The following KIAA0586 variants were observed in gnomAD, a reference collection of about 807,000 sequenced individuals.
The protein encoded by KIAA0586 is protein TALPID3.
In KIAA0586, 144 loss-of-function variants were observed where a neutral mutation model predicts 169.8. The ratio of observed to expected loss-of-function variants is 0.85; its 90% confidence interval spans 0.74 to 0.97. KIAA0586 has a LOEUF of 0.97. Ranked by LOEUF, KIAA0586 falls within the 50% of genes least tolerant of loss-of-function variation. The pLI is 0.00. For missense variants in KIAA0586, 1,854 were observed against 1,823.0 expected (o/e 1.02, Z -0.31); for synonymous variants, 625 against 612.4 (o/e 1.02, Z -0.30).
intron 6 of KIAA0586, among the ~76,000 whole-genome samples, chr14:58,445,858 T>A (rs1354917614): frequency 1.3e-5 from 2 of 151,802 alleles, no homozygotes; most frequent in Admixed American, 1.3e-4. Flanking sequence ...TTCCTTTTTT[T>A]TCTAATATGA....
At chr14:58,501,019 G>A (rs545442337) in intron 27 of KIAA0586, among the ~76,000 whole-genome samples, 2 of 152,270 alleles carry the variant, frequency 1.3e-5, no homozygotes, top group Admixed American at 1.3e-4. Flanking sequence ...ACGTTTTAGC[G>A]AGTAGATAAA....
At chr14:58,542,200 C>T (rs544178324) in intron 30 of KIAA0586, among the ~76,000 whole-genome samples, 4 of 152,024 alleles carry the variant, frequency 2.6e-5, no homozygotes, top group Admixed American at 6.5e-5. Context: ...AGTTTTCAGC[C>T]GGGCGCAGTG....
At chr14:58,455,619 A>T (rs1366134370) in intron 9 of KIAA0586, among the ~76,000 whole-genome samples, 1 of 151,886 alleles carries the variant, frequency 6.6e-6, no homozygotes, top group Non-Finnish European at 1.5e-5. Context: ...TTGGAAAGAG[A>T]TTTCCTTAAC....
chr14:58,456,870 A>G, intron 10 of KIAA0586, 60 bp downstream of exon 10: 1 of 872,438 alleles, frequency 1.1e-6, no homozygotes, highest in Non-Finnish European at 1.8e-6. Flanking sequence ...AAAAGGAATA[A>G]AAGAGTTATA....
chr14:58,526,175 C>T (rs2045571417), intron 29 of KIAA0586, among the ~76,000 whole-genome samples: 1 of 152,224 alleles, frequency 6.6e-6, no homozygotes, highest in Admixed American at 6.5e-5. Flanking sequence ...CTGAAGAGAG[C>T]AGCAAATCTC....
At chr14:58,491,686 C>T (rs753335451) in intron 25 of KIAA0586, among the ~76,000 whole-genome samples, 2 of 152,174 alleles carry the variant, frequency 1.3e-5, no homozygotes, top group Non-Finnish European at 2.9e-5. Context: ...ACATTGAGGT[C>T]TATAGCTGCC....
intron 3 of KIAA0586, 43 bp from the exon 4 acceptor site, chr14:58,432,345 T>A (rs778360228): frequency 1.7e-6 from 2 of 1,171,284 alleles, no homozygotes; most frequent in East Asian, 5.4e-5. Flanking sequence ...GTTTAATAAA[T>A]ATTCAGGAAT....
At chr14:58,446,592 AT>A (rs1449996814) in intron 6 of KIAA0586, among the ~76,000 whole-genome samples, 12 of 152,214 alleles carry the variant, frequency 7.9e-5, no homozygotes, top group East Asian at 3.9e-4. Flanking sequence ...TAAATTATAT[AT>A]TTTTTAAGAC....
intron 14 of KIAA0586, among the ~76,000 whole-genome samples, chr14:58,462,138 A>G (rs1188230073): frequency 1.3e-5 from 2 of 152,148 alleles, no homozygotes; most frequent in Non-Finnish European, 2.9e-5. Flanking sequence ...GTGTCAGGTT[A>G]TATAGAAATT....
At chr14:58,464,016 A>C in intron 14 of KIAA0586, 1 of 452,100 alleles carries the variant, frequency 2.2e-6, no homozygotes, top group Non-Finnish European at 4.5e-6. Context: ...ATGCAAGATA[A>C]ATTTCAGACT....
intron 29 of KIAA0586, among the ~76,000 whole-genome samples, chr14:58,536,461 G>T (rs1254466084): frequency 6.6e-6 from 1 of 152,100 alleles, no homozygotes; most frequent in Non-Finnish European, 1.5e-5. Context: ...CATCTATGTT[G>T]CTGGAAAGGA....
intron 29 of KIAA0586, among the ~76,000 whole-genome samples, chr14:58,530,073 C>T (rs1187500440): frequency 1.3e-5 from 2 of 151,848 alleles, no homozygotes; most frequent in Admixed American, 6.6e-5. Flanking sequence ...ATAGCCAAAT[C>T]GTGAGTGAAC....
chr14:58,435,731 G>C (rs577139312), intron 4 of KIAA0586, among the ~76,000 whole-genome samples: 1 of 151,822 alleles, frequency 6.6e-6, no homozygotes, highest in Admixed American at 6.6e-5. Context: ...TTTTAAGATG[G>C]AGTTTCACTC....
In KIAA0586 at chr14:58,456,832, A is replaced by G. The variant is rs771701630; in HGVS notation, c.1362+22A>G. On this transcript the variant is annotated intron_variant, in intron 10 of 30. Transcript: ENST00000652326. ...CCAGGTAAAGTGGGAATGGTCTTAA[A>G]ATTGATGATTAGTTAAGATAAAAAT... is the stretch of plus-strand genomic sequence containing the variant. The G allele has an allele frequency of 1.7e-5, 20 of 1,188,874 alleles. No homozygotes were observed. In the African/African-American group the frequency reaches 2.7e-4, roughly 16 times the overall value. The allele number at this position is 1,188,874 out of a possible 1,614,324, so 73.6% of individuals were successfully genotyped here.
intron 20 of KIAA0586, among the ~76,000 whole-genome samples, 190 bp from the exon 21 acceptor site, chr14:58,482,323 G>A (rs2042088195): frequency 6.6e-6 from 1 of 151,962 alleles, no homozygotes; most frequent in Admixed American, 6.5e-5. Context: ...CTATTCAGGA[G>A]GCTAAGGCAG....
chr14:58,446,021 A>G (rs2038869313), intron 6 of KIAA0586, among the ~76,000 whole-genome samples: 1 of 150,526 alleles, frequency 6.6e-6, no homozygotes, highest in Non-Finnish European at 1.5e-5. Context: ...GACGCCCACC[A>G]CCATGCCCAG....
At position 58,450,741 on chromosome 14, in the gene KIAA0586, A is replaced by G. The variant is rs781671698; in HGVS notation, c.1124A>G (p.His375Arg). 8.8e-6 allele frequency: 14 copies of G among 1,590,272 alleles called. No individual in the cohort carries two copies. Among genetic ancestry groups the G allele is most frequent in the South Asian group, 2.2e-5 (2 of 89,894 alleles). ...AAAGAAAATATGGAAGTGTCGTGTC[A>G]CAGAGGTAATAGAGACTTTTACTAG... ...EEKENMEVSC[H>R]RGNVRLLEQI... The change falls in exon 8 of 31, where the codon CAC (histidine) becomes CGC (arginine). Residue 375 changes from histidine (H) to arginine (R), a missense_variant. Coordinates refer to ENST00000652326, the MANE Select transcript of KIAA0586 (RefSeq NM_001329943.3).
rs945135024 is a variant in KIAA0586 at position 58,521,251 on chromosome 14, A to C, written c.4429+8624A>C. On this transcript the variant is annotated intron_variant, in intron 29 of 30. Transcript: ENST00000652326. ...GCCAGCAACGTTGCCGACAAGACGG[A>C]TCCTCACTCCATGAACTCCCGTGTG... 3 of 1,126,002 alleles carry C rather than the reference A, an allele frequency of 2.7e-6. No individual in the cohort carries two copies. In the Admixed American group the frequency reaches 5.3e-5, roughly 20 times the overall value. 69.8% of individuals were successfully genotyped at this position (1,126,002 alleles called of 1,614,324 possible).
intron 26 of KIAA0586, among the ~76,000 whole-genome samples, chr14:58,497,888 T>C (rs2141296669): frequency 7.0e-6 from 1 of 142,122 alleles, no homozygotes; most frequent in African/African-American, 2.6e-5. Context: ...TTTTTTTTTT[T>C]TTTTTTTGAG....
Sources: gnomAD v4.1 joint callset for allele counts (sites outside exome capture counted in the v4.1 genomes callset) on GRCh38, gnomAD v4.1.1 for gene constraint, MANE v1.5 for transcripts, NCBI Gene and HGNC (gene_info 2026-07-23, HGNC 2026-07-21) for gene names.